Variants in NBN observed in about 807,000 individuals in gnomAD.
The protein encoded by NBN is Nijmegen breakage syndrome 1 (nibrin).
In NBN, 88 loss-of-function variants were observed where a neutral mutation model predicts 90.8. That is an observed-to-expected ratio of 0.97 (90% confidence interval 0.82 to 1.16). NBN has a LOEUF of 1.16. NBN is among the 50% of genes most tolerant of loss of function. The pLI is 0.00. For synonymous variants in NBN, 328 were observed against 295.1 expected, an observed-to-expected ratio of 1.11 and a Z score of -1.14; for missense variants, 894 against 869.6, an observed-to-expected ratio of 1.03 and a Z score of -0.35.
Position 89,955,268 on chromosome 8 carries a change from T to C in NBN, c.1397+15A>G, listed in dbSNP as rs2129716128. ...TTTTTTTTCAGAGACATGAGAGAAG[T>C]TATCAAAAACAGACCTTTTTTTGGT... On this transcript the variant is annotated intron_variant, in intron 10 of 15. Transcript: ENST00000265433. 1.2e-6 allele frequency: 2 copies of C among 1,612,328 alleles called. No homozygotes were observed. The highest frequency in any genetic ancestry group is 1.7e-6 in the Non-Finnish European group (2 of 1,178,678).
chr8:89,946,434 T>A (rs917412549), intron 12 of NBN, 139 bp from the exon 13 acceptor site: 1 of 746,846 alleles, frequency 1.3e-6, no homozygotes, highest in Admixed American at 2.5e-5. Context: ...ACCTGAACTT[T>A]GTATTTGGAA....
rs1811444942 is a variant in NBN at position 89,970,310 on chromosome 8, T to A, written c.896+54A>T. 10 of 1,459,868 alleles carry A rather than the reference T, an allele frequency of 6.8e-6. 1 individual carries two copies. The highest frequency in any genetic ancestry group is 3.5e-5 in the South Asian group (3 of 85,560). The allele number at this position is 1,459,868 out of a possible 1,614,324, so 90.4% of individuals were successfully genotyped here. On this transcript the variant is annotated intron_variant, in intron 7 of 15. Coordinates refer to ENST00000265433, the MANE Select transcript of NBN (RefSeq NM_002485.5). ...TTAGGTGAAAAGCAACAAAAAAGGT[T>A]AAACATAAAATCTCCTACTTGCAGT...
intron 6 of NBN, 103 bp from the exon 7 acceptor site, chr8:89,970,660 G>A: frequency 8.6e-7 from 1 of 1,165,652 alleles, no homozygotes; most frequent in Non-Finnish European, 1.2e-6. Context: ...AGAAGACTTG[G>A]TGCTACTTCT....
rs1405790291 is a variant in NBN at position 89,935,537 on chromosome 8, T to G, written c.*45A>C. 6.2e-7 allele frequency: 1 copy of G among 1,608,186 alleles called. No homozygotes were observed. Among genetic ancestry groups the G allele is most frequent in the Non-Finnish European group, 8.5e-7 (1 of 1,175,752 alleles). On this transcript the variant is annotated 3_prime_UTR_variant, in exon 16 of 16. Coordinates refer to ENST00000265433, the MANE Select transcript of NBN (RefSeq NM_002485.5). Reference sequence around the variant, plus strand: ...TATAACCTTGTTGGCCTGAAGTAGATGCTTACTAGGAAGTTTTTCCATGGC... The same window carrying G: ...TATAACCTTGTTGGCCTGAAGTAGAGGCTTACTAGGAAGTTTTTCCATGGC...
chr8:89,983,764 A>G (rs543579692), intron 1 of NBN, among the ~76,000 whole-genome samples: 2 of 152,262 alleles, frequency 1.3e-5, no homozygotes, highest in African/African-American at 4.8e-5. Flanking sequence ...CAGGGAGATT[A>G]GGGCAGATAA....
intron 14 of NBN, among the ~76,000 whole-genome samples, chr8:89,939,439 C>CA (rs35152289): frequency 0.35 from 51,409 of 147,974 alleles, 8,893 homozygotes; most frequent in East Asian, 0.43. Flanking sequence ...ATGAAATAAG[C>CA]AAAAAAAAAA....
In NBN at chr8:89,945,378, T is replaced by C. The variant is rs13312947; in HGVS notation, c.2070+762A>G. On this transcript the variant is annotated intron_variant, in intron 13 of 15. Transcript: ENST00000265433. The stretch of plus-strand genomic sequence containing the variant: ...GAGTTCAGAACCCTTTAGGTACTAT[T>C]ACAGAAGGCAAAAAACTAATTTAAC... Among the ~76,000 whole-genome samples, 1,012 of 152,296 alleles carry C rather than the reference T, an allele frequency of 6.6e-3. 14 individuals are homozygous for C. Among genetic ancestry groups the C allele is most frequent in the African/African-American group, 0.023 (958 of 41,562 alleles).
chr8:89,937,146 T>C, intron 14 of NBN, 71 bp from the exon 15 acceptor site: 1 of 1,388,590 alleles, frequency 7.2e-7, no homozygotes, highest in Non-Finnish European at 1.0e-6. Context: ...GCTATAGTGA[T>C]AGGTCACTGT....
rs757339440 is a variant in NBN at position 89,946,133 on chromosome 8, T to C, written c.2070+7A>G. On this transcript the variant is annotated splice_region_variant and intron_variant, in intron 13 of 15. Coordinates refer to ENST00000265433, the MANE Select transcript of NBN (RefSeq NM_002485.5). The stretch of plus-strand genomic sequence containing the variant: ...CTGACCTCTTGTGATACAGTTGAAA[T>C]ACCTACCTTTTTGAATTTCTTGAAA... 24 of 1,558,642 alleles carry C rather than the reference T, an allele frequency of 1.5e-5. No individual in the cohort carries two copies. Among genetic ancestry groups the C allele is most frequent in the Non-Finnish European group, 2.0e-5 (23 of 1,131,964 alleles).
intron 11 of NBN, among the ~76,000 whole-genome samples, chr8:89,948,101 T>C (rs572948029): frequency 2.6e-5 from 4 of 152,188 alleles, no homozygotes; most frequent in Non-Finnish European, 4.4e-5. Flanking sequence ...AAAGAGATAC[T>C]GCAGTATCAG....
chr8:89,973,064 C>T (rs140326635), intron 5 of NBN, among the ~76,000 whole-genome samples: 110 of 152,290 alleles, frequency 7.2e-4, no homozygotes, highest in African/African-American at 2.6e-3. Context: ...GCCTGTTAGG[C>T]CTCTCTAATG....
intron 11 of NBN, among the ~76,000 whole-genome samples, chr8:89,950,271 G>A (rs1343911558): frequency 6.6e-6 from 1 of 152,086 alleles, no homozygotes; most frequent in Non-Finnish European, 1.5e-5. Context: ...GGATGCTCAA[G>A]TCCCTGATAA....
intron 2 of NBN, 84 bp downstream of exon 2, chr8:89,982,638 C>A (rs1812122892): frequency 8.2e-7 from 1 of 1,226,640 alleles, no homozygotes; most frequent in East Asian, 2.3e-5. Flanking sequence ...ATCCTGTGAA[C>A]TCTCTCTCAC....
chr8:89,958,764 G>T lies in NBN; in HGVS notation c.1085C>A (p.Thr362Lys). Residue 362 changes from threonine (T) to lysine (K), a missense_variant, in exon 9 of 16, where the codon ACA (threonine) becomes AAA (lysine). Thr to Lys is a moderately conservative substitution (Grantham distance 78, BLOSUM62 -1). Transcript: ENST00000265433. Reference sequence around the variant, plus strand: ...CTCTGATTCTGTGTCAGCTACGTATGTTGTAGTGTTCACTGGGGCGCTTGG... The same window carrying T: ...CTCTGATTCTGTGTCAGCTACGTATTTTGTAGTGTTCACTGGGGCGCTTGG... ...LMPSAPVNTT[T>K]YVADTESEQA... 1 of 1,614,112 alleles carries T rather than the reference G, an allele frequency of 6.2e-7. No homozygotes were observed. Among genetic ancestry groups the T allele is most frequent in the Non-Finnish European group, 8.5e-7 (1 of 1,179,968 alleles).
chr8:89,983,574 G>C (rs1199955875), intron 1 of NBN, among the ~76,000 whole-genome samples: 2 of 152,204 alleles, frequency 1.3e-5, no homozygotes, highest in African/African-American at 4.8e-5. Context: ...TCCAGACTAA[G>C]ATGCACGTGT....
intron 2 of NBN, chr8:89,982,123 T>C (rs1215903959): frequency 1.1e-5 from 3 of 274,614 alleles, no homozygotes; most frequent in Non-Finnish European, 2.1e-5. Context: ...TGAGTACAGA[T>C]ATTCCTATGT....
chr8:89,948,121 T>C (rs377752892), intron 11 of NBN, among the ~76,000 whole-genome samples: 2 of 152,148 alleles, frequency 1.3e-5, no homozygotes, highest in African/African-American at 4.8e-5. Flanking sequence ...GGACAAAGAA[T>C]TGGAAGCGAT....
intron 2 of NBN, among the ~76,000 whole-genome samples, chr8:89,982,243 C>T (rs1274151105): frequency 6.6e-6 from 1 of 152,116 alleles, no homozygotes; most frequent in Non-Finnish European, 1.5e-5. Context: ...CAAATCAATT[C>T]CCATTGCAAA....
intron 14 of NBN, among the ~76,000 whole-genome samples, chr8:89,940,038 T>C (rs1809866677): frequency 6.6e-6 from 1 of 152,198 alleles, no homozygotes; most frequent in Non-Finnish European, 1.5e-5. Context: ...CATAATGCCA[T>C]ACTGACAGTG....
Sources: allele counts gnomAD v4.1 joint callset (sites outside exome capture counted in the v4.1 genomes callset), GRCh38; gene constraint gnomAD v4.1.1; transcripts MANE v1.5; gene names NCBI Gene and HGNC (gene_info 2026-07-23, HGNC 2026-07-21).